The following ZNF385B variants were observed in gnomAD, a reference collection of about 807,000 sequenced individuals.
ZNF385B encodes zinc finger protein 385B, also known as zinc finger protein 533.
Under a neutral mutation model 39.2 loss-of-function variants are expected in ZNF385B, and 23 were observed. The ratio of observed to expected loss-of-function variants is 0.59; its 90% CI spans 0.42 to 0.83. The LOEUF is 0.83. Ranked by LOEUF, ZNF385B falls within the 40% of genes least tolerant of loss-of-function variation. The pLI is 0.00. For missense variants in ZNF385B, 552 were observed against 598.9 expected (o/e 0.92, Z 0.82); for synonymous variants, 205 against 222.6 (o/e 0.92, Z 0.70).
At chr2:179,815,195 C>T (rs889780150) in intron 1 of ZNF385B, among the ~76,000 whole-genome samples, 3 of 152,078 alleles carry the variant, frequency 2.0e-5, no homozygotes, top group African/African-American at 7.2e-5. Flanking sequence ...ATGAATGTCA[C>T]CAGGATCCTG....
chr2:179,650,266 T>C (rs1190812668), intron 3 of ZNF385B, among the ~76,000 whole-genome samples: 1 of 152,174 alleles, frequency 6.6e-6, no homozygotes, highest in Non-Finnish European at 1.5e-5. Flanking sequence ...ATTTGGTATA[T>C]ATATACATAT....
chr2:179,731,536 G>A (rs897176474), intron 3 of ZNF385B, among the ~76,000 whole-genome samples: 11 of 152,176 alleles, frequency 7.2e-5, no homozygotes, highest in African/African-American at 2.2e-4. Context: ...ATTCTCAAAG[G>A]TAACTTTAGA....
intron 3 of ZNF385B, among the ~76,000 whole-genome samples, chr2:179,711,334 T>G (rs1699983049): frequency 6.6e-6 from 1 of 152,212 alleles, no homozygotes; most frequent in Non-Finnish European, 1.5e-5. Context: ...ATTATATACG[T>G]TATTTTTTTC....
At chr2:179,753,189 G>C (rs188468903) in intron 3 of ZNF385B, among the ~76,000 whole-genome samples, 1 of 152,158 alleles carries the variant, frequency 6.6e-6, no homozygotes, top group African/African-American at 2.4e-5. Context: ...GTTAAATAGG[G>C]AATCATTTCC....
At chr2:179,653,816 C>G (rs554209536) in intron 3 of ZNF385B, among the ~76,000 whole-genome samples, 1 of 152,272 alleles carries the variant, frequency 6.6e-6, no homozygotes, top group Non-Finnish European at 1.5e-5. Flanking sequence ...AATACCCCAG[C>G]TAGCGAACAA....
chr2:179,523,253 G>A (rs2058633941), intron 4 of ZNF385B, among the ~76,000 whole-genome samples: 1 of 150,858 alleles, frequency 6.6e-6, no homozygotes, highest in Admixed American at 6.6e-5. Flanking sequence ...TAATGAAGCT[G>A]GCCTTATATC....
Position 179,653,170 on chromosome 2 carries a change from G to A in ZNF385B, c.299-108201C>T, listed in dbSNP as rs192398251. On this transcript the variant is annotated intron_variant, in intron 3 of 9. Transcript: ENST00000410066. The stretch of plus-strand genomic sequence containing the variant: ...AGGTTCATGGCTGGCTGTGACACAT[G>A]CCAGCTGATTGATGTCATAGAACAT... 2.1e-4 allele frequency among the ~76,000 whole-genome samples: 32 copies of A among 152,272 alleles called. No individual in the cohort carries two copies. In the East Asian group the frequency reaches 3.9e-3, roughly 18 times the overall value.
intron 3 of ZNF385B, among the ~76,000 whole-genome samples, chr2:179,584,470 G>C (rs372976866): frequency 7.2e-5 from 11 of 152,150 alleles, no homozygotes; most frequent in African/African-American, 2.7e-4. Context: ...CTTCACAAAG[G>C]CCTGAAAGTT....
intron 5 of ZNF385B, among the ~76,000 whole-genome samples, chr2:179,493,787 A>ATATGTATACATATATGTATATGCATATG (rs2055810332): frequency 6.9e-6 from 1 of 144,222 alleles, no homozygotes; most frequent in Admixed American, 6.9e-5. Flanking sequence ...ATATACACAT[A>ATATGTATACATATATGTATATGCATATG]TGTATACATA....
intron 3 of ZNF385B, among the ~76,000 whole-genome samples, chr2:179,696,351 C>CTTTTTTTTTT (rs1698760400): frequency 7.2e-4 from 1 of 1,386 alleles, no homozygotes; most frequent in African/African-American, 1.8e-3. Flanking sequence ...TTTTTTTTTG[C>CTTTTTTTTTT]ATCCTAGGCA....
chr2:179,688,852 T>C (rs538179340), intron 3 of ZNF385B, among the ~76,000 whole-genome samples: 8 of 152,232 alleles, frequency 5.3e-5, no homozygotes, highest in Non-Finnish European at 1.0e-4. Flanking sequence ...CTGGTAACCA[T>C]GATAAATACA....
intron 3 of ZNF385B, among the ~76,000 whole-genome samples, chr2:179,651,610 C>T (rs1559032200): frequency 6.6e-6 from 1 of 151,986 alleles, no homozygotes; most frequent in African/African-American, 2.4e-5. Flanking sequence ...CACTCAACCT[C>T]GTTCACTACA....
In ZNF385B at chr2:179,819,658, T is replaced by A. The variant is rs145007486; in HGVS notation, c.-155+41443A>T. 5.3e-5 allele frequency among the ~76,000 whole-genome samples: 8 copies of A among 152,286 alleles called. No homozygotes were observed. In the East Asian group the frequency reaches 1.4e-3, roughly 26 times the overall value. On this transcript the variant is annotated intron_variant, in intron 1 of 9. Transcript: ENST00000410066. Reference sequence around the variant, plus strand: ...GCTCAGGCCCTCCGAAAGTTGAGGATGGGCTTATGGCTTTCAGTCTGTCAT... The same window carrying A: ...GCTCAGGCCCTCCGAAAGTTGAGGAAGGGCTTATGGCTTTCAGTCTGTCAT...
At chr2:179,588,065 AGCATT>A in intron 3 of ZNF385B, among the ~76,000 whole-genome samples, 1 of 152,204 alleles carries the variant, frequency 6.6e-6, no homozygotes, top group South Asian at 2.1e-4. Context: ...CGGAAAGGCA[AGCATT>A]TGGCAGGCCC....
chr2:179,778,805 C>G (rs1704496771), intron 1 of ZNF385B, among the ~76,000 whole-genome samples: 2 of 152,010 alleles, frequency 1.3e-5, no homozygotes, highest in African/African-American at 4.8e-5. Flanking sequence ...GGAGAAAAAT[C>G]TTCCATATTC....
At chr2:179,647,423 C>A (rs1692815022) in intron 3 of ZNF385B, among the ~76,000 whole-genome samples, 1 of 152,156 alleles carries the variant, frequency 6.6e-6, no homozygotes. Context: ...CTACCCAACC[C>A]CGGCCATATG....
intron 5 of ZNF385B, among the ~76,000 whole-genome samples, chr2:179,493,637 A>G (rs201826386): frequency 6.7e-4 from 65 of 97,456 alleles, no homozygotes; most frequent in Non-Finnish European, 1.1e-3. Flanking sequence ...ACGCATATGT[A>G]TACACATATG....
chr2:179,494,051 T>C (rs1030924912), intron 5 of ZNF385B, among the ~76,000 whole-genome samples: 1 of 151,764 alleles, frequency 6.6e-6, no homozygotes, highest in African/African-American at 2.4e-5. Flanking sequence ...TATGAACATG[T>C]TATATAATGC....
intron 5 of ZNF385B, among the ~76,000 whole-genome samples, chr2:179,502,897 CA>C (rs1231128025): frequency 5.9e-5 from 9 of 152,098 alleles, no homozygotes; most frequent in African/African-American, 2.2e-4. Flanking sequence ...TTCAAACTGC[CA>C]TCATCTTTTG....
Sources: allele counts gnomAD v4.1 joint callset (sites outside exome capture counted in the v4.1 genomes callset), GRCh38; gene constraint gnomAD v4.1.1; transcripts MANE v1.5; gene names NCBI Gene and HGNC (gene_info 2026-07-23, HGNC 2026-07-21).